The following TAF6L variants were observed in gnomAD, a reference collection of about 807,000 sequenced individuals.
The protein encoded by TAF6L is TAF6-like RNA polymerase II p300/CBP-associated factor-associated factor 65 kDa subunit 6L.
Under a neutral mutation model 57.3 loss-of-function variants are expected in TAF6L, and 34 were observed. The observed-to-expected ratio is 0.59, with a 90% confidence interval of 0.45 to 0.79. The LOEUF (loss-of-function observed/expected upper bound fraction) is 0.79. Among genes scored for constraint, TAF6L ranks in the 30% least tolerant of loss-of-function variants. TAF6L has a pLI of 0.00. For synonymous variants in TAF6L, 417 were observed against 376.3 expected, an observed-to-expected ratio of 1.11 and a Z score of -1.25; for missense variants, 782 against 853.2, an observed-to-expected ratio of 0.92 and a Z score of 1.04.
chr11:62,779,972 A>ATTTTTTT (rs1367245372), intron 6 of TAF6L, among the ~76,000 whole-genome samples: 5 of 61,474 alleles, frequency 8.1e-5, no homozygotes, highest in African/African-American at 2.5e-4. Context: ...ATATATATAT[A>ATTTTTTT]TATATTTTTT....
chr11:62,787,052 G>T lies in TAF6L; in HGVS notation c.1625G>T (p.Gly542Val). 6.6e-7 allele frequency: 1 copy of T among 1,522,680 alleles called. No individual in the cohort carries two copies. Among genetic ancestry groups the T allele is most frequent in the South Asian group, 1.2e-5 (1 of 82,604 alleles). 94.3% of individuals were successfully genotyped at this position (1,522,680 alleles called of 1,614,324 possible). ...CCCCGGCAGCAGGGCCCCGGGACCG[G>T]CACCCGCGACGTTTTCCAGAAGAGC... ...GAPRQQGPGT[G>V]TRDVFQKSRF... Residue 542 changes from glycine (G) to valine (V), a missense_variant, in exon 11 of 11, where the codon GGC becomes GTC. Physicochemically the swap from Gly to Val is moderately radical, Grantham distance 109 (BLOSUM62 -3). Around this residue, in one of 3 missense-constraint regions of TAF6L, gnomAD observed 483 missense variants for 445.1 expected, o/e 1.09. Coordinates refer to ENST00000294168, the MANE Select transcript of TAF6L (RefSeq NM_006473.4).
chr11:62,780,872 G>A (rs2084223823), intron 6 of TAF6L, among the ~76,000 whole-genome samples: 1 of 150,904 alleles, frequency 6.6e-6, no homozygotes, highest in South Asian at 2.1e-4. Context: ...AAGAGGCAGA[G>A]GTTGCAATGA....
Position 62,782,649 on chromosome 11 carries a change from C to T in TAF6L, c.828-44C>T, listed in dbSNP as rs1341228480. On this transcript the variant is annotated intron_variant, in intron 8 of 10. Coordinates refer to ENST00000294168, the MANE Select transcript of TAF6L (RefSeq NM_006473.4). ...TGTTGTCTTGTGCCCTGTTGGGTGG[C>T]ACCATGCCTCATTCCCCTCCCTAAC... 5.0e-6 allele frequency: 8 copies of T among 1,603,250 alleles called. No individual in the cohort carries two copies. The South Asian group carries it at 8.9e-5, about 18-fold the overall frequency.
At position 62,777,956 on chromosome 11, in the gene TAF6L, C is replaced by T. The variant is rs745443831; in HGVS notation, c.235-22C>T. 2.5e-6 allele frequency: 4 copies of T among 1,613,016 alleles called. No homozygotes were observed. The South Asian group carries it at 4.4e-5, about 18-fold the overall frequency. On this transcript the variant is annotated intron_variant, in intron 3 of 10. Transcript: ENST00000294168. Reference sequence around the variant, plus strand: ...GCTCCCTCCCTGGATTCAGGCTGCTCTCCAATTCCCTTTTTCCTCAGGCTG... The same window carrying T: ...GCTCCCTCCCTGGATTCAGGCTGCTTTCCAATTCCCTTTTTCCTCAGGCTG...
intron 1 of TAF6L, 149 bp from the exon 2 acceptor site, chr11:62,775,622 G>C (rs1280113753): frequency 3.8e-6 from 3 of 790,496 alleles, no homozygotes; most frequent in East Asian, 2.7e-5. Flanking sequence ...CCTTCTCTGA[G>C]CCTCACTTTC....
chr11:62,778,042 A>G lies in TAF6L; in HGVS notation c.299A>G (p.Tyr100Cys), dbSNP rs779449092. Residue 100 changes from tyrosine to cysteine, a missense_variant, in exon 4 of 11, where the codon TAC becomes TGC. Physicochemically the swap from Tyr to Cys is radical, Grantham distance 194 (BLOSUM62 -2). Transcript: ENST00000294168. ...PMRPAREGEL[Y>C]FPEDREVNLV... ...CGCCCCGCCAGGGAGGGTGAACTCT[A>G]CTTTCCTGAGGATCGAGAGGTGAAC... 3.1e-6 allele frequency: 5 copies of G among 1,613,946 alleles called. No homozygotes were observed. The highest frequency in any genetic ancestry group is 4.2e-6 in the Non-Finnish European group (5 of 1,180,000).
chr11:62,787,086 C>T lies in TAF6L; in HGVS notation c.1659C>T (p.Ala553=). 2.3e-5 allele frequency: 35 copies of T among 1,538,136 alleles called. No homozygotes were observed. The highest frequency in any genetic ancestry group is 7.4e-5 in the East Asian group (3 of 40,326). Reference sequence around the variant, plus strand: ...ACGTTTTCCAGAAGAGCCGTTTCGCCCCGCGCGGCGCCCCGCACTTTCGTT... The same window carrying T: ...ACGTTTTCCAGAAGAGCCGTTTCGCTCCGCGCGGCGCCCCGCACTTTCGTT... ...TRDVFQKSRF[A]PRGAPHFRFI... is the part of the protein sequence containing the mutation. Residue 553 remains alanine, a synonymous_variant, in exon 11 of 11, where the codon GCC becomes GCT. Transcript: ENST00000294168.
chr11:62,772,392 G>C (rs1845722956), intron 1 of TAF6L, among the ~76,000 whole-genome samples: 2 of 151,914 alleles, frequency 1.3e-5, no homozygotes, highest in South Asian at 4.2e-4. Context: ...GCATGGCGGC[G>C]TATGCCTGTA....
chr11:62,783,324 TACAA>T (rs1228314708), intron 9 of TAF6L, among the ~76,000 whole-genome samples: 5 of 151,958 alleles, frequency 3.3e-5, no homozygotes, highest in Non-Finnish European at 7.4e-5. Flanking sequence ...CTACTAAAAA[TACAA>T]ACAATTAGCC....
At chr11:62,786,443 AG>A in intron 10 of TAF6L, 55 bp downstream of exon 10, 1 of 1,598,326 alleles carries the variant, frequency 6.3e-7, no homozygotes. Context: ...GCAGCCAAGC[AG>A]GCTTACTTTG....
At position 62,787,288 on chromosome 11, in the gene TAF6L, C is replaced by A; in HGVS notation, c.1861C>A (p.Pro621Thr). The stretch of plus-strand genomic sequence containing the variant: ...GCTCTCGGACTACTCGCTGTACTTG[C>A]CGCTCTGAGTCAGTGGCCCCTTCGT... ...WALSDYSLYL[P>T]L is the part of the protein sequence containing the mutation. The change falls in exon 11 of 11, where the codon CCG becomes ACG. Residue 621 changes from proline to threonine, a missense_variant. Pro to Thr is a conservative substitution (Grantham distance 38). Around this residue, in one of 3 missense-constraint regions of TAF6L, gnomAD observed 483 missense variants for 445.1 expected, o/e 1.09. Transcript: ENST00000294168. 1 of 1,543,408 alleles carries A rather than the reference C, an allele frequency of 6.5e-7. No homozygotes were observed. The highest frequency in any genetic ancestry group is 8.7e-7 in the Non-Finnish European group (1 of 1,152,250).
In TAF6L at chr11:62,782,810, T is replaced by C. The variant is rs1291888930; in HGVS notation, c.945T>C (p.His315=). The C allele has an allele frequency of 6.2e-7, 1 of 1,613,930 alleles. No homozygotes were observed. The highest frequency in any genetic ancestry group is 8.5e-7 in the Non-Finnish European group (1 of 1,180,024). ...CCHYGAVVGL[H]ALGWKAVERV... is the part of the protein sequence containing the mutation. ...ACTATGGAGCCGTGGTGGGGCTGCA[T>C]GCTCTTGGCTGGAAGGTGAGCACCC... Residue 315 remains histidine (H), a synonymous_variant, in exon 9 of 11, where the codon CAT becomes CAC. Coordinates refer to ENST00000294168, the MANE Select transcript of TAF6L (RefSeq NM_006473.4).
chr11:62,774,678 C>T (rs1014775084), intron 1 of TAF6L: 2 of 454,910 alleles, frequency 4.4e-6, no homozygotes, highest in Non-Finnish European at 4.4e-6. Flanking sequence ...GTGAACAAAA[C>T]AGGTTCCAGC....
intron 3 of TAF6L, among the ~76,000 whole-genome samples, 198 bp downstream of exon 3, chr11:62,776,668 T>G (rs2084190520): frequency 6.6e-6 from 1 of 151,768 alleles, no homozygotes; most frequent in South Asian, 2.1e-4. Flanking sequence ...CTGGCCAACA[T>G]GGCGAAACCC....
Position 62,786,562 on chromosome 11 carries a change from C to G in TAF6L, c.1135C>G (p.Pro379Ala), listed in dbSNP as rs2084278327. 6.4e-7 allele frequency: 1 copy of G among 1,561,826 alleles called. No individual in the cohort carries two copies. The highest frequency in any genetic ancestry group is 8.7e-7 in the Non-Finnish European group (1 of 1,153,520). ...LLKMKAQAAE[P>A]NRGGPGGRGC... ...GAAGATGAAGGCCCAGGCAGCAGAG[C>G]CCAACAGGGGTGGCCCAGGTGGCAG... The change falls in exon 11 of 11, where the codon CCC becomes GCC. Residue 379 changes from proline to alanine, a missense_variant. Physicochemically the swap from Pro to Ala is conservative, Grantham distance 27. Around this residue, in one of 3 missense-constraint regions of TAF6L, gnomAD observed 483 missense variants for 445.1 expected, o/e 1.09. Coordinates refer to ENST00000294168, the MANE Select transcript of TAF6L (RefSeq NM_006473.4).
rs958226565 is a variant in TAF6L, at chr11:62,778,381, C to G, written c.436+46C>G. Reference sequence around the variant, plus strand: ...CAGGCTCTTTGGATGAATTTTCTCCCTTAGGTTCTGAGGGTGGTGCCTATG... The same window carrying G: ...CAGGCTCTTTGGATGAATTTTCTCCGTTAGGTTCTGAGGGTGGTGCCTATG... On this transcript the variant is annotated intron_variant, in intron 5 of 10. Transcript: ENST00000294168. The G allele has an allele frequency of 3.1e-6, 5 of 1,610,620 alleles. No individual in the cohort carries two copies. In the African/African-American group the frequency reaches 6.7e-5, roughly 22 times the overall value.
chr11:62,783,138 C>G (rs1289784477), intron 9 of TAF6L, among the ~76,000 whole-genome samples: 1 of 152,228 alleles, frequency 6.6e-6, no homozygotes, highest in Non-Finnish European at 1.5e-5. Context: ...TGAATTTTGT[C>G]ATACCTTTTT....
At chr11:62,781,840 T>A in intron 6 of TAF6L, 54 bp from the exon 7 acceptor site, 1 of 1,467,550 alleles carries the variant, frequency 6.8e-7, no homozygotes, top group Non-Finnish European at 9.6e-7. Context: ...AATACCGCAT[T>A]CATGTTTTAC....
chr11:62,782,386 T>G, intron 8 of TAF6L, 53 bp downstream of exon 8: 2 of 1,576,912 alleles, frequency 1.3e-6, no homozygotes, highest in Non-Finnish European at 1.7e-6. Flanking sequence ...CCAAGTGGGT[T>G]GGGGTAAGGA....
Sources: gnomAD v4.1 joint callset for allele counts (sites outside exome capture counted in the v4.1 genomes callset) on GRCh38, gnomAD v4.1.1 for gene constraint, gnomAD v4.1.1 regional missense constraint, MANE v1.5 for transcripts, NCBI Gene and HGNC (gene_info 2026-07-23, HGNC 2026-07-21) for gene names.